MYO16: variants seen among roughly 807,000 people sequenced by gnomAD.
MYO16 encodes the protein myosin XVI.
Under a neutral mutation model 205.3 loss-of-function variants are expected in MYO16, and 94 were observed. That is an observed-to-expected ratio of 0.46 (90% CI 0.39 to 0.54). MYO16 has a LOEUF of 0.54. MYO16 is among the 20% of genes least tolerant of loss of function. The pLI, the probability that MYO16 is intolerant of heterozygous loss-of-function variation, is 0.00. For synonymous variants in MYO16, 988 were observed against 954.0 expected (o/e 1.04, Z -0.66); for missense variants, 2,315 against 2,387.5 (o/e 0.97, Z 0.63).
chr13:109,142,507 T>A (rs188109727), intron 32 of MYO16, among the ~76,000 whole-genome samples: 1 of 152,174 alleles, frequency 6.6e-6, no homozygotes, highest in East Asian at 1.9e-4. Flanking sequence ...CATGCCTAAG[T>A]AACAAAAGGA....
At chr13:109,197,880 T>G (rs1426511124) in intron 34 of MYO16, among the ~76,000 whole-genome samples, 2 of 152,220 alleles carry the variant, frequency 1.3e-5, no homozygotes, top group African/African-American at 4.8e-5. Flanking sequence ...CATGAGATTT[T>G]GTTTAGCTGA....
At chr13:108,754,046 G>A (rs1390719013) in intron 4 of MYO16, among the ~76,000 whole-genome samples, 1 of 152,220 alleles carries the variant, frequency 6.6e-6, no homozygotes, top group Non-Finnish European at 1.5e-5. Context: ...TAGTAGAAAT[G>A]TTGCTGTCAC....
Position 108,679,284 on chromosome 13 carries a change from C to T in MYO16, c.292+13135C>T, listed in dbSNP as rs945904411. ...TACTGACCTACATCAACCCAACCCT[C>T]TCACTGTCTCCACTCACCCGCTTCC... On this transcript the variant is annotated intron_variant, in intron 2 of 34. Coordinates refer to ENST00000457511, the MANE Select transcript of MYO16 (RefSeq NM_001198950.3). 4.6e-5 allele frequency among the ~76,000 whole-genome samples: 7 copies of T among 152,340 alleles called. No individual in the cohort carries two copies. In the South Asian group the frequency reaches 1.2e-3, roughly 27 times the overall value.
At chr13:108,584,770 AG>A in the MYO16 span, among the ~76,000 whole-genome samples, 2 of 152,204 alleles carry the variant, frequency 1.3e-5, no homozygotes, top group Admixed American at 1.3e-4. Flanking sequence ...TGTCTGTTAG[AG>A]CAACTTTGGA....
chr13:108,503,447 T>TC, the MYO16 span, among the ~76,000 whole-genome samples: 1 of 150,436 alleles, frequency 6.6e-6, no homozygotes, highest in Non-Finnish European at 1.5e-5. Context: ...TCAAAAAAGT[T>TC]TTTTTTTTTT....
chr13:108,718,666 G>A (rs776714906), intron 3 of MYO16, among the ~76,000 whole-genome samples: 4 of 152,150 alleles, frequency 2.6e-5, no homozygotes, highest in Admixed American at 6.5e-5. Context: ...GAGGGGCCAC[G>A]GACTGTGAAC....
chr13:108,913,765 T>C (rs1881367949), intron 16 of MYO16, among the ~76,000 whole-genome samples: 1 of 152,350 alleles, frequency 6.6e-6, no homozygotes, highest in Non-Finnish European at 1.5e-5. Flanking sequence ...CCTAGCTTAA[T>C]AGGCAGACAA....
At chr13:108,516,920 ATGTTTTGTTT>A in the MYO16 span, among the ~76,000 whole-genome samples, 9 of 151,124 alleles carry the variant, frequency 6.0e-5, no homozygotes, top group Non-Finnish European at 1.0e-4. Context: ...TTGAGTAATT[ATGTTTTGTTT>A]TGTTTTGTTT....
At chr13:108,554,411 G>A in the MYO16 span, among the ~76,000 whole-genome samples, 2 of 152,010 alleles carry the variant, frequency 1.3e-5, no homozygotes, top group East Asian at 1.9e-4. Flanking sequence ...TATGATGTTG[G>A]CTCCAAATGC....
the MYO16 span, among the ~76,000 whole-genome samples, chr13:108,575,081 A>G: frequency 6.6e-6 from 1 of 151,470 alleles, no homozygotes; most frequent in Admixed American, 6.6e-5. Flanking sequence ...GTGTAGAGCT[A>G]ACCCTGTCAC....
chr13:108,890,813 T>G (rs1880136938), intron 14 of MYO16, among the ~76,000 whole-genome samples: 1 of 152,238 alleles, frequency 6.6e-6, no homozygotes, highest in African/African-American at 2.4e-5. Context: ...CCTGGCATTC[T>G]TTCTGGCAAT....
chr13:108,737,059 G>C, intron 4 of MYO16, among the ~76,000 whole-genome samples: 1 of 152,090 alleles, frequency 6.6e-6, no homozygotes, highest in Non-Finnish European at 1.5e-5. Context: ...GGGTTTTCTA[G>C]ATATACAGTC....
chr13:109,132,080 C>G lies in MYO16; in HGVS notation c.4051+4530C>G, dbSNP rs538249159. Reference sequence around the variant, plus strand: ...TATAACTTTGTTGTTAATGAAGCCTCTGACAGTCAGTTTCCTCATCTGTGA... The same window carrying G: ...TATAACTTTGTTGTTAATGAAGCCTGTGACAGTCAGTTTCCTCATCTGTGA... On this transcript the variant is annotated intron_variant, in intron 31 of 34. Coordinates refer to ENST00000457511, the MANE Select transcript of MYO16 (RefSeq NM_001198950.3). 6.9e-4 allele frequency among the ~76,000 whole-genome samples: 105 copies of G among 152,350 alleles called. 2 individuals carry two copies. In the South Asian group the frequency reaches 0.021, roughly 30 times the overall value.
At chr13:108,913,909 C>T (rs553695109) in intron 16 of MYO16, among the ~76,000 whole-genome samples, 1 of 152,266 alleles carries the variant, frequency 6.6e-6, no homozygotes, top group South Asian at 2.1e-4. Context: ...CAACCTGTAA[C>T]CAATCCAGCT....
chr13:108,572,853 A>G, the MYO16 span, among the ~76,000 whole-genome samples: 1 of 152,204 alleles, frequency 6.6e-6, no homozygotes, highest in African/African-American at 2.4e-5. Context: ...TGCTGTAGCA[A>G]CAGGCAACAC....
chr13:109,023,515 ATATT>A lies in MYO16; in HGVS notation c.2796+3608_2796+3611del, dbSNP rs1266222812. Among the ~76,000 whole-genome samples the A allele has an allele frequency of 1.0e-4, 12 of 117,804 alleles. 1 individual carries two copies. Among genetic ancestry groups the A allele is most frequent in the African/African-American group, 3.4e-4 (10 of 29,474 alleles). The allele number at this position is 117,804 out of a possible 152,430, so 77.3% of individuals were successfully genotyped here. Reference sequence around the variant, plus strand: ...ATATATTATACAGATATAAATATATATATTTATAATTATATATACAATATATAGG... The same window carrying A: ...ATATATTATACAGATATAAATATATATATAATTATATATACAATATATAGG... On this transcript the variant is annotated intron_variant, in intron 23 of 34. Coordinates refer to ENST00000457511, the MANE Select transcript of MYO16 (RefSeq NM_001198950.3).
At chr13:108,727,157 A>C (rs552710557) in intron 3 of MYO16, among the ~76,000 whole-genome samples, 1 of 152,162 alleles carries the variant, frequency 6.6e-6, no homozygotes, top group South Asian at 2.1e-4. Context: ...TCCTATCTAC[A>C]AATGAAATAA....
chr13:108,743,254 T>G (rs1026357412), intron 4 of MYO16, among the ~76,000 whole-genome samples: 3 of 152,192 alleles, frequency 2.0e-5, no homozygotes, highest in Admixed American at 1.3e-4. Context: ...TTTTTCTTAT[T>G]GAAAAAAACA....
chr13:108,732,033 T>C (rs1179920066), intron 4 of MYO16, among the ~76,000 whole-genome samples: 1 of 152,184 alleles, frequency 6.6e-6, no homozygotes, highest in Non-Finnish European at 1.5e-5. Flanking sequence ...TCTGAATAAA[T>C]GTTGATAAAA....
Sources: allele counts gnomAD v4.1 joint callset (sites outside exome capture counted in the v4.1 genomes callset), GRCh38; gene constraint gnomAD v4.1.1; transcripts MANE v1.5; gene names NCBI Gene and HGNC (gene_info 2026-07-23, HGNC 2026-07-21).